Variants in WWOX observed in about 807,000 individuals in gnomAD.
WWOX encodes the protein WW domain containing oxidoreductase.
Under a neutral mutation model 46.2 loss-of-function variants are expected in WWOX, and 69 were observed. The observed-to-expected ratio is 1.49, with a 90% CI of 1.23 to 1.82. The LOEUF is 1.82. Among genes scored for constraint, WWOX ranks in the 40% most tolerant of loss-of-function variants. WWOX has a pLI of 0.00. For missense variants in WWOX, 919 were observed against 542.6 expected (o/e 1.69, Z -6.89); for synonymous variants, 359 against 202.6 (o/e 1.77, Z -6.56).
chr16:78,538,442 C>A (rs1567629963), intron 8 of WWOX, among the ~76,000 whole-genome samples: 1 of 152,092 alleles, frequency 6.6e-6, no homozygotes, highest in Non-Finnish European at 1.5e-5. Flanking sequence ...TGCACTTCGG[C>A]CACGGGCTTT....
chr16:79,198,100 G>T (rs1243828257), intron 8 of WWOX, among the ~76,000 whole-genome samples: 1 of 152,008 alleles, frequency 6.6e-6, no homozygotes, highest in Admixed American at 6.6e-5. Context: ...CAAGACAGGT[G>T]GATCACCTGA....
intron 5 of WWOX, among the ~76,000 whole-genome samples, chr16:78,273,580 G>A (rs1304779597): frequency 1.3e-5 from 2 of 152,188 alleles, no homozygotes; most frequent in African/African-American, 4.8e-5. Flanking sequence ...AGCCATGTGA[G>A]AAAGGAGGGT....
At chr16:78,324,108 TG>T (rs1330458437) in intron 5 of WWOX, among the ~76,000 whole-genome samples, 2 of 151,972 alleles carry the variant, frequency 1.3e-5, no homozygotes, top group African/African-American at 4.8e-5. Flanking sequence ...GTGGCAAGGA[TG>T]GGATTTGAAC....
intron 8 of WWOX, among the ~76,000 whole-genome samples, chr16:78,986,270 A>G (rs2046782737): frequency 6.6e-6 from 1 of 152,254 alleles, no homozygotes; most frequent in South Asian, 2.1e-4. Flanking sequence ...CAGTTTTACA[A>G]AGATGCCATA....
At position 79,192,661 on chromosome 16, in the gene WWOX, T is replaced by A. The variant is rs566380281; in HGVS notation, c.1057-18947T>A. Among the ~76,000 whole-genome samples the A allele has an allele frequency of 5.3e-5, 8 of 152,312 alleles. No individual in the cohort carries two copies. In the East Asian group the frequency reaches 1.4e-3, roughly 26 times the overall value. ...TATGCTTACAAGTGGAGCCTTTCCC[T>A]CATTTTTGCTTTATTTCTTTTGCCT... On this transcript the variant is annotated intron_variant, in intron 8 of 8. Coordinates refer to ENST00000566780, the MANE Select transcript of WWOX (RefSeq NM_016373.4).
At chr16:79,165,154 A>C (rs2050566874) in intron 8 of WWOX, among the ~76,000 whole-genome samples, 1 of 149,168 alleles carries the variant, frequency 6.7e-6, no homozygotes, top group African/African-American at 2.6e-5. Context: ...ACGAAGGAAA[A>C]AAAAAAAAAA....
intron 5 of WWOX, among the ~76,000 whole-genome samples, chr16:78,285,400 C>T (rs1203431401): frequency 6.6e-6 from 1 of 151,894 alleles, no homozygotes; most frequent in Non-Finnish European, 1.5e-5. Context: ...AGCCACTGTA[C>T]TCCAGCTGGG....
At chr16:79,134,484 A>G (rs2150702855) in intron 8 of WWOX, among the ~76,000 whole-genome samples, 1 of 152,220 alleles carries the variant, frequency 6.6e-6, no homozygotes, top group Admixed American at 6.5e-5. Flanking sequence ...GGTCGAGGTC[A>G]TTGTGCCTGC....
At chr16:78,369,015 C>T (rs2081602847) in intron 5 of WWOX, among the ~76,000 whole-genome samples, 1 of 152,118 alleles carries the variant, frequency 6.6e-6, no homozygotes, top group African/African-American at 2.4e-5. Context: ...ATCTAATCCC[C>T]TTCCTTCCTC....
chr16:78,736,684 A>C (rs72801215), intron 8 of WWOX, among the ~76,000 whole-genome samples: 23,028 of 152,000 alleles, frequency 0.15, 2,129 homozygotes, highest in African/African-American at 0.25. Context: ...TGCAGCCTCA[A>C]ACTTCTAGGC....
At chr16:78,360,599 AGTTGCAG>A (rs1567523921) in intron 5 of WWOX, among the ~76,000 whole-genome samples, 7 of 132,800 alleles carry the variant, frequency 5.3e-5, no homozygotes, top group Admixed American at 1.5e-4. Context: ...AAAAAAAAAA[AGTTGCAG>A]AAATAGCAAT....
At chr16:79,004,421 C>T (rs979530442) in intron 8 of WWOX, 3 of 152,280 alleles carry the variant, frequency 2.0e-5, no homozygotes, top group Admixed American at 1.3e-4. Context: ...GGAACAGAGC[C>T]GAAAAGTACG....
At chr16:78,420,406 T>C (rs1318343245) in intron 6 of WWOX, among the ~76,000 whole-genome samples, 2 of 152,196 alleles carry the variant, frequency 1.3e-5, no homozygotes, top group Admixed American at 6.5e-5. Flanking sequence ...AAGCGTGGTA[T>C]ATTCATATAA....
intron 8 of WWOX, among the ~76,000 whole-genome samples, chr16:78,967,459 GTT>G (rs57576563): frequency 0.22 from 21,140 of 97,878 alleles, 2,489 homozygotes; most frequent in Non-Finnish European, 0.28. Context: ...AATTTTTGTG[GTT>G]TTTTTTTTTT....
intron 8 of WWOX, among the ~76,000 whole-genome samples, chr16:78,672,830 C>A (rs1325018803): frequency 6.6e-6 from 1 of 152,110 alleles, no homozygotes; most frequent in Non-Finnish European, 1.5e-5. Flanking sequence ...GATCGGAGTT[C>A]TATGGATTTT....
chr16:78,624,886 A>C (rs1465872987), intron 8 of WWOX, among the ~76,000 whole-genome samples: 2 of 152,218 alleles, frequency 1.3e-5, no homozygotes, highest in Non-Finnish European at 1.5e-5. Context: ...CATGGTGATG[A>C]AAGGTGATGT....
chr16:78,297,608 A>G (rs756469577), intron 5 of WWOX, among the ~76,000 whole-genome samples: 11 of 152,244 alleles, frequency 7.2e-5, no homozygotes, highest in Admixed American at 2.6e-4. Flanking sequence ...CATTTTTTTA[A>G]CTCTTAAAAT....
intron 8 of WWOX, among the ~76,000 whole-genome samples, chr16:78,755,499 G>C (rs1484354021): frequency 6.6e-6 from 1 of 152,136 alleles, no homozygotes; most frequent in African/African-American, 2.4e-5. Flanking sequence ...AGATGTTCTT[G>C]AGTCAGTACC....
chr16:78,515,840 C>G (rs2043223905), intron 8 of WWOX, among the ~76,000 whole-genome samples: 1 of 152,162 alleles, frequency 6.6e-6, no homozygotes, highest in African/African-American at 2.4e-5. Context: ...AAAGCAATAA[C>G]ATTCTCCAAT....
Sources: allele counts gnomAD v4.1 joint callset (sites outside exome capture counted in the v4.1 genomes callset), GRCh38; gene constraint gnomAD v4.1.1; transcripts MANE v1.5; gene names NCBI Gene and HGNC (gene_info 2026-07-23, HGNC 2026-07-21).